Variants in ATAD2B observed in about 807,000 individuals in gnomAD.
The protein encoded by ATAD2B is ATPase family AAA domain containing 2B.
Under a neutral mutation model 167.6 loss-of-function variants are expected in ATAD2B, and 40 were observed. That is an observed-to-expected ratio of 0.24 (90% CI 0.19 to 0.31). The LOEUF is 0.31. ATAD2B is among the 10% of genes least tolerant of loss of function. The pLI, the probability that ATAD2B is intolerant of heterozygous loss-of-function variation, is 1.00. For missense variants in ATAD2B, 1,242 were observed against 1,757.2 expected, an observed-to-expected ratio of 0.71 and a Z score of 5.24; for synonymous variants, 579 against 596.5, an observed-to-expected ratio of 0.97 and a Z score of 0.43.
At chr2:23,894,723 T>C (rs955655802) in intron 2 of ATAD2B, among the ~76,000 whole-genome samples, 1 of 152,208 alleles carries the variant, frequency 6.6e-6, no homozygotes, top group Non-Finnish European at 1.5e-5. Flanking sequence ...TGTAATTACA[T>C]GGCAGTACTA....
In ATAD2B at chr2:23,758,113, G is replaced by A. The variant is rs1338231222; in HGVS notation, c.3395-12C>T. The A allele has an allele frequency of 2.6e-6, 4 of 1,525,898 alleles. No individual in the cohort carries two copies. The highest frequency in any genetic ancestry group is 2.6e-6 in the Non-Finnish European group (3 of 1,147,404). 94.5% of individuals were successfully genotyped at this position (1,525,898 alleles called of 1,614,324 possible). On this transcript the variant is annotated splice_polypyrimidine_tract_variant and intron_variant, in intron 24 of 27. Transcript: ENST00000238789. ...TCTCCGAACCCGAACTGTTTTACAA[G>A]GAAGGAAAAAAGATATGTAGAACTT...
intron 23 of ATAD2B, among the ~76,000 whole-genome samples, chr2:23,765,110 T>C (rs1210680926): frequency 3.3e-5 from 5 of 152,180 alleles, no homozygotes. Flanking sequence ...AATAACAAAA[T>C]TGCATATAAA....
intron 17 of ATAD2B, among the ~76,000 whole-genome samples, chr2:23,819,401 G>A (rs536744282): frequency 6.6e-5 from 10 of 150,800 alleles, no homozygotes; most frequent in Non-Finnish European, 1.2e-4. Context: ...TGAGGTACGA[G>A]AATAGCTTAA....
chr2:23,751,719 A>G lies in ATAD2B; in HGVS notation c.*327T>C, dbSNP rs1429224556. 3.2e-6 allele frequency: 1 copy of G among 312,182 alleles called. No individual in the cohort carries two copies. Among genetic ancestry groups the G allele is most frequent in the African/African-American group, 2.2e-5 (1 of 45,110 alleles). 19.3% of individuals were successfully genotyped at this position (312,182 alleles called of 1,614,324 possible). On this transcript the variant is annotated 3_prime_UTR_variant, in exon 28 of 28. Coordinates refer to ENST00000238789, the MANE Select transcript of ATAD2B (RefSeq NM_017552.4). ...CCTCCTGTTTGCTGGTCTGCTCCCT[A>G]AGAGAGGAGTCTCCAAAAGAGAGTG...
At chr2:23,910,173 C>CTTTTT (rs756806271) in intron 1 of ATAD2B, among the ~76,000 whole-genome samples, 9 of 106,898 alleles carry the variant, frequency 8.4e-5, no homozygotes, top group Non-Finnish European at 1.2e-4. Flanking sequence ...CTTGCATACT[C>CTTTTT]TTTTTTTTTT....
At chr2:23,884,068 C>T (rs1333189322) in intron 6 of ATAD2B, among the ~76,000 whole-genome samples, 6 of 152,020 alleles carry the variant, frequency 3.9e-5, no homozygotes, top group African/African-American at 1.5e-4. Context: ...CGCTTGAACC[C>T]AGGAGGCGGA....
At chr2:23,826,554 A>T (rs753557267) in intron 15 of ATAD2B, among the ~76,000 whole-genome samples, 2 of 152,204 alleles carry the variant, frequency 1.3e-5, no homozygotes, top group East Asian at 3.8e-4. Context: ...GAATACTGCT[A>T]TTAAGCTAGA....
intron 8 of ATAD2B, among the ~76,000 whole-genome samples, chr2:23,871,725 A>G (rs1696001582): frequency 6.6e-6 from 1 of 151,944 alleles, no homozygotes. Context: ...TCAGTACTCC[A>G]CTCCAATGCC....
At chr2:23,772,699 A>G (rs1419905145) in intron 22 of ATAD2B, among the ~76,000 whole-genome samples, 1 of 152,120 alleles carries the variant, frequency 6.6e-6, no homozygotes, top group Non-Finnish European at 1.5e-5. Context: ...TTCTTTTAAA[A>G]AAATCTGCAT....
intron 13 of ATAD2B, 46 bp from the exon 14 acceptor site, chr2:23,834,124 C>CTGCTTACA (rs749831019): frequency 2.6e-6 from 2 of 759,756 alleles, no homozygotes; most frequent in African/African-American, 3.8e-5. Flanking sequence ...GTAAACACTG[C>CTGCTTACA]TGCTTACAAT....
At chr2:23,874,680 C>T (rs1195869687) in intron 8 of ATAD2B, among the ~76,000 whole-genome samples, 1 of 150,772 alleles carries the variant, frequency 6.6e-6, no homozygotes, top group Non-Finnish European at 1.5e-5. Context: ...GGTGACAGAG[C>T]AAGACCCTGT....
the ATAD2B span, among the ~76,000 whole-genome samples, chr2:23,682,899 A>G: frequency 7.0e-6 from 1 of 142,284 alleles, no homozygotes; most frequent in Admixed American, 7.0e-5. The surrounding 1 kb of genome is among the most constrained non-coding windows in gnomAD (Gnocchi z 4.1). Context: ...CGGCCTTGCC[A>G]TGGCTCCCAG....
the ATAD2B span, among the ~76,000 whole-genome samples, chr2:23,730,949 C>A: frequency 6.6e-6 from 1 of 151,382 alleles, no homozygotes; most frequent in Non-Finnish European, 1.5e-5. Context: ...AGAGAAGATA[C>A]AAATTGCCAA....
Position 23,757,676 on chromosome 2 carries a change from T to C in ATAD2B, c.3820A>G (p.Thr1274Ala). 3 of 1,613,738 alleles carry C rather than the reference T, an allele frequency of 1.9e-6. No homozygotes were observed. The South Asian group carries it at 3.3e-5, about 18-fold the overall frequency. The change falls in exon 25 of 28, where the codon ACT becomes GCT. Residue 1274 changes from threonine to alanine, a missense_variant. By Grantham distance (58) the Thr-to-Ala change is moderately conservative. Coordinates refer to ENST00000238789, the MANE Select transcript of ATAD2B (RefSeq NM_017552.4). ...ACTGGTATTCCTTCAAAACTGTCAG[T>C]GGAAGCCTCACCATTTAGACAATTT... is the stretch of plus-strand genomic sequence containing the variant. ...KGNCLNGEASTDSFEGIPVLE... is the reference protein window; with the variant it reads ...KGNCLNGEASADSFEGIPVLE...
intron 23 of ATAD2B, among the ~76,000 whole-genome samples, chr2:23,763,842 T>G (rs1677064252): frequency 6.6e-6 from 1 of 152,210 alleles, no homozygotes; most frequent in Non-Finnish European, 1.5e-5. Flanking sequence ...TCCTCCAACC[T>G]CTGCCACCCA....
intron 24 of ATAD2B, among the ~76,000 whole-genome samples, chr2:23,760,733 TAC>T (rs1241441472): frequency 0.011 from 1,355 of 124,938 alleles, 27 homozygotes; most frequent in African/African-American, 0.036. Flanking sequence ...CACACACATA[TAC>T]ACACACACAC....
intron 27 of ATAD2B, among the ~76,000 whole-genome samples, chr2:23,752,852 C>CA (rs1358114766): frequency 4.6e-5 from 7 of 152,192 alleles, no homozygotes; most frequent in African/African-American, 1.7e-4. Flanking sequence ...TCACTACCAC[C>CA]ATGAAAGCCA....
chr2:23,892,275 T>C (rs1229560398), intron 2 of ATAD2B, among the ~76,000 whole-genome samples: 1 of 152,178 alleles, frequency 6.6e-6, no homozygotes, highest in Non-Finnish European at 1.5e-5. Flanking sequence ...GCCATTCTCC[T>C]GCCTCAGCCT....
the ATAD2B span, chr2:23,706,975 T>C: frequency 4.0e-6 from 1 of 250,828 alleles, no homozygotes; most frequent in Non-Finnish European, 7.5e-6. Flanking sequence ...AGAGAGAAGC[T>C]GTTTTTTCCT....
Sources: allele counts gnomAD v4.1 joint callset (sites outside exome capture counted in the v4.1 genomes callset), GRCh38; gene constraint gnomAD v4.1.1; non-coding constraint Gnocchi (gnomAD v3.1); transcripts MANE v1.5; gene names NCBI Gene and HGNC (gene_info 2026-07-23, HGNC 2026-07-21).